The following MIER1 variants were observed in gnomAD, a reference collection of about 807,000 sequenced individuals.
MIER1 encodes MIER1 transcriptional regulator, also known as mesoderm induction early response protein 1.
In MIER1, 40 loss-of-function variants were observed where a neutral mutation model predicts 75.7. The ratio of observed to expected loss-of-function variants is 0.53; its 90% confidence interval spans 0.41 to 0.69. MIER1 has a LOEUF of 0.69. MIER1 is among the 30% of genes least tolerant of loss of function. The probability of loss-of-function intolerance (pLI) is 0.00; values close to 1 mark genes in which losing one functional copy is unlikely to be tolerated. For missense variants in MIER1, 574 were observed against 680.2 expected (o/e 0.84, Z 1.74); for synonymous variants, 213 against 223.4 (o/e 0.95, Z 0.42).
At chr1:66,973,907 C>CT (rs1182964948) in intron 11 of MIER1, among the ~76,000 whole-genome samples, 4 of 151,986 alleles carry the variant, frequency 2.6e-5, no homozygotes, top group African/African-American at 9.7e-5. Context: ...AGTACCTGGG[C>CT]TTATGTCTGA....
Position 66,945,909 on chromosome 1 carries a change from T to C in MIER1, c.194-241T>C, listed in dbSNP as rs80107659. Among the ~76,000 whole-genome samples the C allele has an allele frequency of 4.1e-3, 620 of 152,332 alleles. 13 individuals are homozygous for C. In the East Asian group the frequency reaches 0.053, roughly 13 times the overall value. ...ACGAAAAGCCTGTTCTTATTTGATA[T>C]GACCATTTATTATTTACAATTTTTT... On this transcript the variant is annotated intron_variant, in intron 3 of 13. Coordinates refer to ENST00000401041, the MANE Select transcript of MIER1 (RefSeq NM_001077700.3).
rs924356795 is a variant in MIER1 at position 66,985,810 on chromosome 1, T to TA, written c.*914dup. On this transcript the variant is annotated 3_prime_UTR_variant, in exon 14 of 14. Transcript: ENST00000401041. ...TGGTTAAAGCATTCATAAAGGATTA[T>TA]AAAATTTTTTTTTTTTTTTTTTTTT... 1 of 820,120 alleles carries TA rather than the reference T, an allele frequency of 1.2e-6. No individual in the cohort carries two copies. The highest frequency in any genetic ancestry group is 1.4e-6 in the Non-Finnish European group (1 of 693,204). The allele number at this position is 820,120 out of a possible 1,614,324, so 50.8% of individuals were successfully genotyped here. A position where few individuals can be genotyped will look rare whatever the true frequency, so the allele number is the denominator to read the frequency against.
chr1:66,945,759 T>C (rs1420723330), intron 3 of MIER1, among the ~76,000 whole-genome samples: 1 of 152,054 alleles, frequency 6.6e-6, no homozygotes, highest in Admixed American at 6.5e-5. Context: ...CTTTGGAGGC[T>C]GAGGTAGAAG....
intron 2 of MIER1, 45 bp downstream of exon 2, chr1:66,926,287 C>A: frequency 7.3e-7 from 1 of 1,368,542 alleles, no homozygotes; most frequent in Non-Finnish European, 1.0e-6. Flanking sequence ...AAAATCCAAA[C>A]TCCCTCAAGT....
At chr1:66,944,927 T>G (rs1657138248) in intron 3 of MIER1, among the ~76,000 whole-genome samples, 1 of 152,072 alleles carries the variant, frequency 6.6e-6, no homozygotes, top group South Asian at 2.1e-4. Flanking sequence ...TGTCTCATTA[T>G]GTTGCCCAGG....
chr1:66,927,596 A>C (rs1652142992), intron 2 of MIER1, among the ~76,000 whole-genome samples: 1 of 152,130 alleles, frequency 6.6e-6, no homozygotes, highest in South Asian at 2.1e-4. Context: ...TTGCATTTGG[A>C]TACAAAGAAG....
intron 8 of MIER1, among the ~76,000 whole-genome samples, chr1:66,964,601 C>T (rs945877974): frequency 5.9e-5 from 9 of 151,776 alleles, no homozygotes; most frequent in Admixed American, 5.3e-4. Flanking sequence ...TACAGGCATG[C>T]GCCACCACGC....
chr1:66,964,448 CTTTTTTTTTTTT>C (rs71058483), intron 8 of MIER1, among the ~76,000 whole-genome samples: 8 of 119,800 alleles, frequency 6.7e-5, no homozygotes, highest in Non-Finnish European at 1.4e-4. Flanking sequence ...TGTATGTTTC[CTTTTTTTTTTTT>C]TTTTTTTTTG....
Position 66,985,142 on chromosome 1 carries a change from CTACCT to C in MIER1, c.*244_*248del, listed in dbSNP as rs1177446338. The stretch of plus-strand genomic sequence containing the variant: ...ATTTGAATGAACTAAAGATATATCT[CTACCT>C]TCTCATTTGAATATCTTTAGTTCAT... On this transcript the variant is annotated 3_prime_UTR_variant, in exon 14 of 14. Transcript: ENST00000401041. 2.8e-6 allele frequency: 3 copies of C among 1,087,264 alleles called. No individual in the cohort carries two copies. In the African/African-American group the frequency reaches 5.0e-5, roughly 18 times the overall value. 67.4% of individuals were successfully genotyped at this position (1,087,264 alleles called of 1,614,324 possible).
At position 66,981,872 on chromosome 1, in the gene MIER1, C is replaced by T. The variant is rs769555647; in HGVS notation, c.1323C>T (p.Ser441=). The change falls in exon 13 of 14, where the codon AGC becomes AGT. Residue 441 remains serine (S), a synonymous_variant. Transcript: ENST00000401041. ...CAACTGCATCAAACAGTAGTAACAG[C>T]CAGTCTGAGAAAGAAGATGGCACTG... is the stretch of plus-strand genomic sequence containing the variant. The part of the protein sequence containing the change: ...PPPTASNSSN[S]QSEKEDGTVS... 1 of 1,613,968 alleles carries T rather than the reference C, an allele frequency of 6.2e-7. No homozygotes were observed. Among genetic ancestry groups the T allele is most frequent in the Admixed American group, 1.7e-5 (1 of 60,018 alleles).
intron 2 of MIER1, among the ~76,000 whole-genome samples, chr1:66,936,424 C>A (rs561298243): frequency 6.6e-6 from 1 of 151,634 alleles, no homozygotes; most frequent in Non-Finnish European, 1.5e-5. Flanking sequence ...GTAGAGACAG[C>A]GTTTTGCCAT....
Position 66,940,065 on chromosome 1 carries a change from C to A in MIER1, c.193+13C>A. The A allele has an allele frequency of 6.3e-7, 1 of 1,596,156 alleles. No homozygotes were observed. On this transcript the variant is annotated intron_variant, in intron 3 of 13. Coordinates refer to ENST00000401041, the MANE Select transcript of MIER1 (RefSeq NM_001077700.3). ...TCTTCAAGTCCAGGTAAGTATTTTC[C>A]ATATTTTTTATAATCTCGATTTGAG...
chr1:66,930,094 T>C, intron 2 of MIER1: 1 of 727,082 alleles, frequency 1.4e-6, no homozygotes, highest in African/African-American at 1.9e-5. Flanking sequence ...CCACCTTGAC[T>C]CCGCCCCCTC....
chr1:66,973,789 T>TGATA (rs953866294), intron 11 of MIER1, among the ~76,000 whole-genome samples: 8 of 152,084 alleles, frequency 5.3e-5, no homozygotes, highest in Non-Finnish European at 8.8e-5. Context: ...AGGCTTATGA[T>TGATA]TATCACATTA....
chr1:66,929,322 T>G (rs1487393806), intron 2 of MIER1, among the ~76,000 whole-genome samples: 1 of 152,238 alleles, frequency 6.6e-6, no homozygotes, highest in African/African-American at 2.4e-5. Context: ...AAAATCCCAG[T>G]CTTTTGAAAT....
intron 4 of MIER1, among the ~76,000 whole-genome samples, chr1:66,956,569 C>T (rs539823026): frequency 6.6e-6 from 1 of 152,326 alleles, no homozygotes; most frequent in East Asian, 1.9e-4. Context: ...TACTTGAACA[C>T]TTAAAGCACT....
intron 3 of MIER1, among the ~76,000 whole-genome samples, chr1:66,944,737 T>C (rs1001205254): frequency 3.3e-5 from 5 of 152,056 alleles, no homozygotes; most frequent in African/African-American, 1.2e-4. Flanking sequence ...TTATTTTTTA[T>C]TTTTTAAAGT....
chr1:66,942,544 T>C (rs1056480821), intron 3 of MIER1, among the ~76,000 whole-genome samples: 1 of 152,178 alleles, frequency 6.6e-6, no homozygotes, highest in African/African-American at 2.4e-5. Flanking sequence ...GCAAAATACT[T>C]AATTTATACA....
At chr1:66,963,445 C>T (rs981056192) in intron 8 of MIER1, among the ~76,000 whole-genome samples, 3 of 151,948 alleles carry the variant, frequency 2.0e-5, no homozygotes, top group African/African-American at 2.4e-5. Flanking sequence ...CTTTTTTCCC[C>T]GTATTTTCAG....
Sources: gnomAD v4.1 joint callset for allele counts (sites outside exome capture counted in the v4.1 genomes callset) on GRCh38, gnomAD v4.1.1 for gene constraint, MANE v1.5 for transcripts, NCBI Gene and HGNC (gene_info 2026-07-23, HGNC 2026-07-21) for gene names.